The following SHLD2 variants were observed in gnomAD, a reference collection of about 807,000 sequenced individuals.
The protein encoded by SHLD2 is shieldin complex subunit 2, also known as RINN1-REV7-interacting novel NHEJ regulator 2.
In SHLD2, 30 loss-of-function variants were observed where a neutral mutation model predicts 73.2. The ratio of observed to expected loss-of-function variants is 0.41; its 90% CI spans 0.31 to 0.56. The LOEUF is 0.56. Among genes scored for constraint, SHLD2 ranks in the 20% least tolerant of loss-of-function variants. SHLD2 has a pLI of 0.28. For synonymous variants in SHLD2, 285 were observed against 370.1 expected, an observed-to-expected ratio of 0.77 and a Z score of 2.64; for missense variants, 745 against 1,055.9, an observed-to-expected ratio of 0.71 and a Z score of 4.08.
In SHLD2 at chr10:87,146,685, G is replaced by A. The variant is rs545545425; in HGVS notation, c.-5-4665G>A. On this transcript the variant is annotated intron_variant, in intron 2 of 9. Transcript: ENST00000298786. The stretch of plus-strand genomic sequence containing the variant: ...AGACAATTCTCCTTCTTCCATTGTG[G>A]CCCAGGGAAGCCAAAAGATTAGACA... Among the ~76,000 whole-genome samples the A allele has an allele frequency of 1.6e-4, 25 of 151,840 alleles. No individual in the cohort carries two copies. The South Asian group carries it at 5.0e-3, about 30-fold the overall frequency.
chr10:87,150,819 A>G (rs766395540), intron 2 of SHLD2, among the ~76,000 whole-genome samples: 2 of 151,786 alleles, frequency 1.3e-5, no homozygotes, highest in Non-Finnish European at 2.9e-5. Flanking sequence ...GCTTAGCTTT[A>G]TTCCCCTTAA....
chr10:87,155,637 A>G (rs1341930830), intron 3 of SHLD2, among the ~76,000 whole-genome samples: 2 of 151,624 alleles, frequency 1.3e-5, no homozygotes, highest in East Asian at 1.9e-4. Context: ...ATCCTGGACC[A>G]TGGTCATTTT....
At chr10:87,172,594 G>A (rs1039247543) in intron 6 of SHLD2, among the ~76,000 whole-genome samples, 1 of 151,950 alleles carries the variant, frequency 6.6e-6, no homozygotes. Context: ...TGTTAACCCA[G>A]TACCTTGGGA....
At chr10:87,098,284 C>T (rs1403669880) in intron 2 of SHLD2, among the ~76,000 whole-genome samples, 4 of 151,726 alleles carry the variant, frequency 2.6e-5, no homozygotes, top group Admixed American at 2.0e-4. Context: ...GAGGCTGAGG[C>T]GGGCGGATCA....
At chr10:87,160,609 A>G (rs1311700628) in intron 4 of SHLD2, among the ~76,000 whole-genome samples, 1 of 152,172 alleles carries the variant, frequency 6.6e-6, no homozygotes, top group Non-Finnish European at 1.5e-5. Flanking sequence ...AGGCATTGTC[A>G]TTAAAACCAG....
intron 2 of SHLD2, among the ~76,000 whole-genome samples, chr10:87,106,729 T>C (rs778928646): frequency 4.6e-5 from 7 of 152,212 alleles, no homozygotes; most frequent in Non-Finnish European, 2.9e-5. Context: ...AACAGACTTT[T>C]AGATGAAGTT....
intron 8 of SHLD2, among the ~76,000 whole-genome samples, chr10:87,184,388 T>G (rs1848488477): frequency 6.6e-6 from 1 of 152,024 alleles, no homozygotes; most frequent in East Asian, 1.9e-4. Context: ...GCGGGGCATG[T>G]GGCATCCCTG....
At position 87,110,606 on chromosome 10, in the gene SHLD2, C is replaced by CAA. The variant is rs200449399; in HGVS notation, c.-6+13633_-6+13634dup. Reference sequence around the variant, plus strand: ...TGGGTGATGATGTGAGACTCCATCTCAAAAAAAAAAAAAAAAAGCTCTCTT... The same window carrying CAA: ...TGGGTGATGATGTGAGACTCCATCTCAAAAAAAAAAAAAAAAAAAGCTCTCTT... On this transcript the variant is annotated intron_variant, in intron 2 of 9. Coordinates refer to ENST00000298786, the MANE Select transcript of SHLD2 (RefSeq NM_001330112.2). 7.8e-3 allele frequency among the ~76,000 whole-genome samples: 774 copies of CAA among 99,652 alleles called. 16 individuals are homozygous for CAA. Among genetic ancestry groups the CAA allele is most frequent in the Middle Eastern group, 0.042 (6 of 142 alleles). 65.4% of individuals were successfully genotyped at this position (99,652 alleles called of 152,430 possible).
intron 2 of SHLD2, among the ~76,000 whole-genome samples, chr10:87,115,773 A>G (rs1461946383): frequency 6.6e-6 from 1 of 152,174 alleles, no homozygotes; most frequent in Non-Finnish European, 1.5e-5. Context: ...ATGAATAGGT[A>G]ATGTAAACAC....
At chr10:87,160,648 G>A (rs1846737979) in intron 4 of SHLD2, among the ~76,000 whole-genome samples, 1 of 152,088 alleles carries the variant, frequency 6.6e-6, no homozygotes. Context: ...CACTATCTCT[G>A]CAACTATTCA....
Position 87,156,124 on chromosome 10 carries a change from T to G in SHLD2, c.1526-1924T>G, listed in dbSNP as rs192225347. On this transcript the variant is annotated intron_variant, in intron 3 of 9. Coordinates refer to ENST00000298786, the MANE Select transcript of SHLD2 (RefSeq NM_001330112.2). ...CTCTGTTGCCCAGGCTGGAGTGCAG[T>G]GGCGCGATCTCGGCTCACTGCAACC... is the stretch of plus-strand genomic sequence containing the variant. Among the ~76,000 whole-genome samples the G allele has an allele frequency of 5.7e-3, 856 of 150,788 alleles. 6 individuals carry two copies. Among genetic ancestry groups the G allele is most frequent in the African/African-American group, 0.019 (760 of 40,974 alleles).
At chr10:87,116,793 G>A (rs1239138309) in intron 2 of SHLD2, among the ~76,000 whole-genome samples, 1 of 152,226 alleles carries the variant, frequency 6.6e-6, no homozygotes, top group African/African-American at 2.4e-5. Context: ...AGCAGCCTGG[G>A]TGAACACACA....
intron 2 of SHLD2, among the ~76,000 whole-genome samples, chr10:87,144,937 CTTTTTTTT>C (rs1178507966): frequency 1.4e-5 from 1 of 72,028 alleles, no homozygotes; most frequent in South Asian, 4.9e-4. Context: ...GCCTGTAATT[CTTTTTTTT>C]TTTTTTTTTT....
At chr10:87,145,034 G>T (rs1339481868) in intron 2 of SHLD2, among the ~76,000 whole-genome samples, 4 of 138,904 alleles carry the variant, frequency 2.9e-5, no homozygotes, top group South Asian at 2.4e-4. Context: ...TCCGCCTCCC[G>T]GGTTCACGCC....
chr10:87,133,781 C>A lies in SHLD2; in HGVS notation c.-5-17569C>A, dbSNP rs1385489167. The stretch of plus-strand genomic sequence containing the variant: ...TGGTAAGCTTCAAAACTTCTTATCT[C>A]CCATAAAAGTACTTTTTCTTTTATA... On this transcript the variant is annotated intron_variant, in intron 2 of 9. Transcript: ENST00000298786. Among the ~76,000 whole-genome samples, 4 of 152,320 alleles carry A rather than the reference C, an allele frequency of 2.6e-5. No homozygotes were observed. The South Asian group carries it at 8.3e-4, about 32-fold the overall frequency.
intron 2 of SHLD2, among the ~76,000 whole-genome samples, chr10:87,142,245 T>A (rs1845249752): frequency 1.3e-5 from 2 of 152,344 alleles, no homozygotes; most frequent in Admixed American, 1.3e-4. Flanking sequence ...GAAGCTCCTT[T>A]ACGCTGAAGT....
chr10:87,150,489 G>A (rs1218003832), intron 2 of SHLD2, among the ~76,000 whole-genome samples: 4 of 151,798 alleles, frequency 2.6e-5, no homozygotes, highest in East Asian at 2.0e-4. Flanking sequence ...GGCCAGGCGC[G>A]GTGGCTCACG....
intron 2 of SHLD2, among the ~76,000 whole-genome samples, chr10:87,100,147 T>C (rs1842172032): frequency 6.6e-6 from 1 of 152,222 alleles, no homozygotes; most frequent in African/African-American, 2.4e-5. Context: ...TCGATACTTA[T>C]GCTTTTGGTA....
At chr10:87,141,410 G>A (rs1034187021) in intron 2 of SHLD2, among the ~76,000 whole-genome samples, 16 of 148,572 alleles carry the variant, frequency 1.1e-4, no homozygotes, top group Admixed American at 6.1e-4. Context: ...GCATAGTCTC[G>A]GCTCACTGCA....
Sources: gnomAD v4.1 joint callset for allele counts (sites outside exome capture counted in the v4.1 genomes callset) on GRCh38, gnomAD v4.1.1 for gene constraint, MANE v1.5 for transcripts, NCBI Gene and HGNC (gene_info 2026-07-23, HGNC 2026-07-21) for gene names.